Variants in DSG4 observed in about 807,000 individuals in gnomAD.
The protein encoded by DSG4 is desmoglein-4.
A neutral mutation model predicts 93.1 loss-of-function variants in DSG4; 87 were observed. The ratio of observed to expected loss-of-function variants is 0.93; its 90% confidence interval spans 0.79 to 1.12. The LOEUF (loss-of-function observed/expected upper bound fraction) is 1.12. Ranked by LOEUF, DSG4 falls within the 50% of genes most tolerant of loss-of-function variation. DSG4 has a pLI of 0.00. For missense variants in DSG4, 1,373 were observed against 1,285.7 expected (o/e 1.07, Z -1.04); for synonymous variants, 432 against 452.9 (o/e 0.95, Z 0.59).
intron 8 of DSG4, among the ~76,000 whole-genome samples, chr18:31,397,586 A>G (rs562776855): frequency 6.6e-6 from 1 of 152,258 alleles, no homozygotes; most frequent in South Asian, 2.1e-4. Context: ...AGATTATGTG[A>G]AGATCTTTAA....
At chr18:31,388,229 C>A in intron 3 of DSG4, 138 bp from the exon 4 acceptor site, 1 of 923,202 alleles carries the variant, frequency 1.1e-6, no homozygotes, top group Non-Finnish European at 1.7e-6. Context: ...TTTCCAGGGT[C>A]ACACAGGACT....
At chr18:31,404,323 A>G (rs888414529) in intron 11 of DSG4, among the ~76,000 whole-genome samples, 5 of 152,268 alleles carry the variant, frequency 3.3e-5, no homozygotes, top group Non-Finnish European at 7.3e-5. Context: ...TATCTTGACT[A>G]TAACTACATA....
rs765780520 is a variant in DSG4, at chr18:31,376,897, G to A, written c.-15G>A. The A allele has an allele frequency of 6.2e-7, 1 of 1,613,584 alleles. No individual in the cohort carries two copies. The highest frequency in any genetic ancestry group is 8.5e-7 in the Non-Finnish European group (1 of 1,179,676). ...TGAATCTCACAGGATTTGCGTGCAA[G>A]AGAAACCCAAAGGAATGGATTGGCT... On this transcript the variant is annotated 5_prime_UTR_variant, in exon 1 of 16. Coordinates refer to ENST00000308128, the MANE Select transcript of DSG4 (RefSeq NM_177986.5).
Position 31,391,132 on chromosome 18 carries a change from G to T in DSG4, c.739G>T (p.Asp247Tyr). 1 of 1,613,822 alleles carries T rather than the reference G, an allele frequency of 6.2e-7. No individual in the cohort carries two copies. The highest frequency in any genetic ancestry group is 1.3e-5 in the African/African-American group (1 of 75,018). Residue 247 changes from aspartate (D) to tyrosine (Y), a missense_variant, in exon 7 of 16, where the codon GAT becomes TAT. Transcript: ENST00000308128. ...AGGCTCAGATCGGGATGGAGCTGCA[G>T]ATGGACTGTCTTCTGAGTGTGACTG... ...VRGSDRDGAADGLSSECDCRI... is the reference protein window; with the variant it reads ...VRGSDRDGAAYGLSSECDCRI...
rs562834213 is a variant in DSG4 at position 31,390,628 on chromosome 18, C to A, written c.518-28C>A. 1.3e-5 allele frequency: 21 copies of A among 1,612,736 alleles called. No individual in the cohort carries two copies. In the East Asian group the frequency reaches 4.2e-4, roughly 33 times the overall value. ...CTGAATTTATTCTAAGAGTCCCAAC[C>A]ATTCTCCACCTCCATTTCTATTTCT... On this transcript the variant is annotated intron_variant, in intron 5 of 15. Transcript: ENST00000308128.
intron 8 of DSG4, among the ~76,000 whole-genome samples, chr18:31,394,061 TC>T (rs1404947960): frequency 6.6e-6 from 1 of 152,130 alleles, no homozygotes; most frequent in African/African-American, 2.4e-5. Flanking sequence ...TCCTCACCTG[TC>T]CCCTGTTTCA....
Position 31,391,098 on chromosome 18 carries a change from G to A in DSG4, c.705G>A (p.Leu235=), listed in dbSNP as rs775315191. The stretch of plus-strand genomic sequence containing the variant: ...TTAAGCAACACAGTATGTACAACCT[G>A]GTTGTGAGAGGCTCAGATCGGGATG... ...LDREQHSMYN[L]VVRGSDRDGA... Residue 235 remains leucine (L), a synonymous_variant, in exon 7 of 16, where the codon CTG becomes CTA. Transcript: ENST00000308128. The A allele has an allele frequency of 6.2e-7, 1 of 1,613,566 alleles. No homozygotes were observed. The highest frequency in any genetic ancestry group is 8.5e-7 in the Non-Finnish European group (1 of 1,179,744).
rs75410929 is a variant in DSG4, at chr18:31,383,310, C to T, written c.49-1826C>T. Among the ~76,000 whole-genome samples the T allele has an allele frequency of 2.1e-3, 321 of 152,176 alleles. 3 individuals carry two copies. Among genetic ancestry groups the T allele is most frequent in the African/African-American group, 7.4e-3 (308 of 41,508 alleles). ...GATAAATCACATTGTTTTTATAAAG[C>T]CAAATTATAATTTAAGGCTACATAT... On this transcript the variant is annotated intron_variant, in intron 1 of 15. Coordinates refer to ENST00000308128, the MANE Select transcript of DSG4 (RefSeq NM_177986.5).
intron 6 of DSG4, 113 bp from the exon 7 acceptor site, chr18:31,390,965 T>C: frequency 6.6e-7 from 1 of 1,515,558 alleles, no homozygotes; most frequent in Non-Finnish European, 8.9e-7. Flanking sequence ...AGCTCAATTA[T>C]ATAAATTTCA....
chr18:31,413,808 T>C lies in DSG4; in HGVS notation c.*213T>C, dbSNP rs993499816. 3.3e-6 allele frequency: 2 copies of C among 597,116 alleles called. No individual in the cohort carries two copies. The highest frequency in any genetic ancestry group is 1.9e-5 in the African/African-American group (1 of 53,758). 37.0% of individuals were successfully genotyped at this position (597,116 alleles called of 1,614,324 possible). ...TAAAATTCTTTCTGATTTTAAATAATGCGTCAAAAAATGTGCAGAAAATGT... is the reference window on the plus strand; with the variant it reads ...TAAAATTCTTTCTGATTTTAAATAACGCGTCAAAAAATGTGCAGAAAATGT... On this transcript the variant is annotated 3_prime_UTR_variant, in exon 16 of 16. Transcript: ENST00000308128.
rs1286031822 is a variant in DSG4 at position 31,414,864 on chromosome 18, A to C, written c.*1269A>C. The stretch of plus-strand genomic sequence containing the variant: ...AGCAATAATGTGACTGAGATAATGT[A>C]AATGAAATAAACTTATTTTCAAGGC... On this transcript the variant is annotated 3_prime_UTR_variant, in exon 16 of 16. Coordinates refer to ENST00000308128, the MANE Select transcript of DSG4 (RefSeq NM_177986.5). 4 of 123,852 alleles carry C rather than the reference A, an allele frequency of 3.2e-5. No homozygotes were observed. The highest frequency in any genetic ancestry group is 5.7e-5 in the Non-Finnish European group (3 of 52,216). 7.7% of individuals were successfully genotyped at this position (123,852 alleles called of 1,614,324 possible). A position where few individuals can be genotyped will look rare whatever the true frequency, so the allele number is the denominator to read the frequency against.
At chr18:31,377,498 T>G (rs2072089441) in intron 1 of DSG4, among the ~76,000 whole-genome samples, 1 of 152,184 alleles carries the variant, frequency 6.6e-6, no homozygotes, top group Non-Finnish European at 1.5e-5. Context: ...AGCCCAGCCA[T>G]CAAGACAAAA....
rs2072213573 is a variant in DSG4, at chr18:31,388,480, C to T, written c.330C>T (p.Asn110=). 1.9e-6 allele frequency: 3 copies of T among 1,613,560 alleles called. No individual in the cohort carries two copies. Among genetic ancestry groups the T allele is most frequent in the South Asian group, 1.1e-5 (1 of 91,074 alleles). Residue 110 remains asparagine (N), a synonymous_variant, in exon 4 of 16, where the codon AAC becomes AAT. Transcript: ENST00000308128. The part of the protein sequence containing the change: ...FTINPRTGEI[N]ITSVVDREIT... ...TTAATCCTCGCACTGGGGAAATTAA[C>T]ATCACTTCAGTGGTAGACAGAGAAA...
intron 1 of DSG4, among the ~76,000 whole-genome samples, chr18:31,377,934 C>T (rs1024009337): frequency 1.3e-5 from 2 of 152,244 alleles, no homozygotes; most frequent in Non-Finnish European, 2.9e-5. Flanking sequence ...ATACCAGACT[C>T]CTCTGAACAT....
At chr18:31,388,319 C>A in intron 3 of DSG4, 48 bp from the exon 4 acceptor site, 1 of 1,604,904 alleles carries the variant, frequency 6.2e-7, no homozygotes, top group Non-Finnish European at 8.5e-7. Context: ...CACTCTTAAG[C>A]ATTATCTGCT....
intron 1 of DSG4, among the ~76,000 whole-genome samples, chr18:31,383,087 A>C (rs12607068): frequency 0.7 from 106,458 of 152,092 alleles, 38,299 homozygotes; most frequent in East Asian, 0.9. Flanking sequence ...GGCACTATGA[A>C]TGCGCCCTTG....
intron 10 of DSG4, among the ~76,000 whole-genome samples, chr18:31,403,106 C>T (rs538891069): frequency 6.6e-6 from 1 of 151,990 alleles, no homozygotes; most frequent in Admixed American, 6.6e-5. Context: ...TTTGATTTTG[C>T]GCCTTAGGAT....
At chr18:31,405,504 G>C (rs542535108) in intron 11 of DSG4, among the ~76,000 whole-genome samples, 1 of 151,810 alleles carries the variant, frequency 6.6e-6, no homozygotes, top group South Asian at 2.1e-4. Flanking sequence ...CAAGGTCCTT[G>C]CCTGCATTAT....
At chr18:31,401,765 C>A (rs1050993239) in intron 10 of DSG4, 3 of 152,092 alleles carry the variant, frequency 2.0e-5, no homozygotes, top group African/African-American at 7.2e-5. Context: ...GAAAGACAGG[C>A]GTCCAAGATA....
Sources: allele counts gnomAD v4.1 joint callset (sites outside exome capture counted in the v4.1 genomes callset), GRCh38; gene constraint gnomAD v4.1.1; transcripts MANE v1.5; gene names NCBI Gene and HGNC (gene_info 2026-07-23, HGNC 2026-07-21).